The following EBF1 variants were observed in gnomAD, a reference collection of about 807,000 sequenced individuals.
EBF1 encodes the protein transcription factor COE1.
Under a neutral mutation model 68.4 loss-of-function variants are expected in EBF1, and 10 were observed. That is an observed-to-expected ratio of 0.15 (90% CI 0.09 to 0.25). The LOEUF is 0.25. Among genes scored for constraint, EBF1 ranks in the 10% least tolerant of loss-of-function variants. The pLI is 1.00. For missense variants in EBF1, 509 were observed against 794.4 expected, an observed-to-expected ratio of 0.64 and a Z score of 4.32; for synonymous variants, 298 against 299.8, an observed-to-expected ratio of 0.99 and a Z score of 0.06.
intron 9 of EBF1, among the ~76,000 whole-genome samples, chr5:158,779,821 A>G (rs996191307): frequency 7.2e-5 from 11 of 152,222 alleles, no homozygotes; most frequent in Non-Finnish European, 1.5e-4. Flanking sequence ...TATGACTGCA[A>G]TAAAACTACA....
At chr5:158,801,256 C>T (rs1057336332) in intron 8 of EBF1, among the ~76,000 whole-genome samples, 1 of 152,084 alleles carries the variant, frequency 6.6e-6, no homozygotes, top group Non-Finnish European at 1.5e-5. Context: ...ATAATGATCA[C>T]TCCACAAATA....
intron 6 of EBF1, among the ~76,000 whole-genome samples, chr5:158,955,994 T>C (rs149522350): frequency 1.3e-5 from 2 of 152,146 alleles, no homozygotes; most frequent in Non-Finnish European, 2.9e-5. Flanking sequence ...CCTGCTTGAA[T>C]ATGCCAGATA....
chr5:158,852,036 TGGGGA>T (rs1250098732), intron 6 of EBF1, among the ~76,000 whole-genome samples: 221 of 18,516 alleles, frequency 0.012, 8 homozygotes, highest in African/African-American at 0.036. Context: ...AGGGAAAGGG[TGGGGA>T]GGGGAGGAGA....
chr5:158,706,892 C>G (rs1757984132), intron 15 of EBF1, among the ~76,000 whole-genome samples: 1 of 152,214 alleles, frequency 6.6e-6, no homozygotes, highest in African/African-American at 2.4e-5. Context: ...GGTATAAAAT[C>G]TGCTCCATGC....
chr5:159,038,519 G>A (rs1303543270), intron 6 of EBF1, among the ~76,000 whole-genome samples: 1 of 152,164 alleles, frequency 6.6e-6, no homozygotes, highest in African/African-American at 2.4e-5. Context: ...GGAGAGTATG[G>A]GGGTGAAAGA....
chr5:158,969,884 GA>G (rs1458719429), intron 6 of EBF1, among the ~76,000 whole-genome samples: 3 of 89,822 alleles, frequency 3.3e-5, no homozygotes, highest in African/African-American at 1.2e-4. Flanking sequence ...AAGAAAGAAA[GA>G]AAGAAAGAAA....
rs1250574399 is a variant in EBF1, at chr5:159,099,379, C to G, written c.100G>C (p.Ala34Pro). The G allele has an allele frequency of 2.5e-6, 4 of 1,597,384 alleles. No homozygotes were observed. Among genetic ancestry groups the G allele is most frequent in the Non-Finnish European group, 3.4e-6 (4 of 1,172,516 alleles). ...MNAVRTWMQG[A>P]GVLDANTAAQ... is the part of the protein sequence containing the mutation. The stretch of plus-strand genomic sequence containing the variant: ...GCCGTGTTGGCGTCCAGCACCCCGG[C>G]GCCCTGCATCCACGTCCGCACCGCG... The change falls in exon 1 of 16, where the codon GCC (alanine) becomes CCC (proline). Residue 34 changes from alanine (A) to proline (P), a missense_variant. Physicochemically the swap from Ala to Pro is conservative, Grantham distance 27. This residue lies in a region of EBF1 where 74 missense variants were observed against 79.4 expected (regional missense o/e 0.93). Transcript: ENST00000313708.
chr5:159,073,779 A>T (rs1337531705), intron 5 of EBF1: 1 of 313,920 alleles, frequency 3.2e-6, no homozygotes, highest in African/African-American at 2.1e-5. Context: ...GTGCACTGTT[A>T]TTGCATCTAC....
At chr5:159,037,191 C>G (rs1189211584) in intron 6 of EBF1, among the ~76,000 whole-genome samples, 1 of 47,002 alleles carries the variant, frequency 2.1e-5, no homozygotes, top group Non-Finnish European at 4.1e-5. Context: ...AATAGGAACA[C>G]TTTTACACTG....
intron 4 of EBF1, 105 bp downstream of exon 4, chr5:159,095,515 T>G: frequency 1.5e-6 from 2 of 1,368,132 alleles, no homozygotes; most frequent in Non-Finnish European, 2.0e-6. Context: ...CCCGCTGGCT[T>G]TTAGAGTTAG....
chr5:158,949,560 C>A (rs1160756707), intron 6 of EBF1, among the ~76,000 whole-genome samples: 1 of 152,168 alleles, frequency 6.6e-6, no homozygotes, highest in Non-Finnish European at 1.5e-5. Context: ...AAACTATGTT[C>A]AGGCTTTTTC....
intron 6 of EBF1, among the ~76,000 whole-genome samples, chr5:158,874,420 G>C (rs1429978577): frequency 6.6e-6 from 1 of 152,100 alleles, no homozygotes; most frequent in Non-Finnish European, 1.5e-5. Flanking sequence ...AAATAAATAG[G>C]TGCAGAGAAA....
chr5:158,868,662 A>G (rs989919790), intron 6 of EBF1, among the ~76,000 whole-genome samples: 16 of 152,214 alleles, frequency 1.1e-4, no homozygotes, highest in African/African-American at 3.9e-4. Flanking sequence ...ACAGCCACAC[A>G]TGGTGTGCAA....
At chr5:158,838,690 T>A (rs1789442011) in intron 7 of EBF1, among the ~76,000 whole-genome samples, 1 of 152,184 alleles carries the variant, frequency 6.6e-6, no homozygotes, top group African/African-American at 2.4e-5. Flanking sequence ...CTTTCCTTTT[T>A]CCCATCAGAG....
chr5:159,012,160 G>A (rs376784647), intron 6 of EBF1, among the ~76,000 whole-genome samples: 12 of 152,216 alleles, frequency 7.9e-5, no homozygotes, highest in African/African-American at 1.7e-4. Flanking sequence ...GGTGGCACGC[G>A]CCTGTAATCC....
intron 5 of EBF1, among the ~76,000 whole-genome samples, chr5:159,081,817 C>A (rs1183345322): frequency 1.3e-5 from 2 of 152,198 alleles, no homozygotes; most frequent in Non-Finnish European, 2.9e-5. Context: ...CTTCTAGAAT[C>A]GTGCTTTAGA....
intron 6 of EBF1, among the ~76,000 whole-genome samples, chr5:159,044,093 G>C (rs1771817446): frequency 3.3e-5 from 5 of 152,128 alleles, no homozygotes; most frequent in Admixed American, 3.3e-4. Flanking sequence ...GAATAAAACT[G>C]TATTGATCAT....
intron 6 of EBF1, among the ~76,000 whole-genome samples, chr5:158,898,695 T>C (rs891256724): frequency 1.3e-5 from 2 of 152,236 alleles, no homozygotes; most frequent in African/African-American, 2.4e-5. Flanking sequence ...GTGGCTGTCA[T>C]CCACGCACTA....
chr5:159,051,644 C>G (rs1773779487), intron 6 of EBF1, among the ~76,000 whole-genome samples: 1 of 151,864 alleles, frequency 6.6e-6, no homozygotes, highest in African/African-American at 2.4e-5. Context: ...GGATTTATAG[C>G]AAGGAGCCCC....
Sources: gnomAD v4.1 joint callset for allele counts (sites outside exome capture counted in the v4.1 genomes callset) on GRCh38, gnomAD v4.1.1 for gene constraint, gnomAD v4.1.1 regional missense constraint, MANE v1.5 for transcripts, NCBI Gene and HGNC (gene_info 2026-07-23, HGNC 2026-07-21) for gene names.